EEF1E1: variants seen among roughly 807,000 people sequenced by gnomAD.
The protein encoded by EEF1E1 is eukaryotic translation elongation factor 1 epsilon-1.
A neutral mutation model predicts 19.9 loss-of-function variants in EEF1E1; 19 were observed. The observed-to-expected ratio is 0.95, with a 90% CI of 0.66 to 1.40. The LOEUF is 1.40. Ranked by LOEUF, EEF1E1 falls within the 40% of genes most tolerant of loss-of-function variation. The pLI is 0.00. For missense variants in EEF1E1, 198 were observed against 202.2 expected (o/e 0.98, Z 0.13); for synonymous variants, 81 against 80.0 (o/e 1.01, Z -0.07).
downstream of EEF1E1, among the ~76,000 whole-genome samples, chr6:8,076,940 TG>T (rs1273502412): frequency 1.2e-3 from 172 of 137,982 alleles, 1 homozygote; most frequent in Middle Eastern, 7.4e-3. Context: ...TTTTTGTTTT[TG>T]TTTTTGTTTT....
Position 8,101,241 on chromosome 6 carries a change from AAAATATATATATAT to A in EEF1E1, c.87+1180_87+1193del, listed in dbSNP as rs1561647065. 5.3e-5 allele frequency among the ~76,000 whole-genome samples: 4 copies of A among 75,476 alleles called. 1 individual carries two copies. The South Asian group carries it at 1.7e-3, about 32-fold the overall frequency. The allele number at this position is 75,476 out of a possible 152,430, so 49.5% of individuals were successfully genotyped here. On this transcript the variant is annotated intron_variant, in intron 1 of 3. Coordinates refer to ENST00000379715, the MANE Select transcript of EEF1E1 (RefSeq NM_004280.5). ...ACTTTGTCTCAAAAAAAAAAAAAAA[AAAATATATATATAT>A]ATATATATATATATATATATATATA...
intron 2 of EEF1E1, among the ~76,000 whole-genome samples, chr6:8,092,526 T>C (rs1179197187): frequency 6.6e-6 from 1 of 152,140 alleles, no homozygotes; most frequent in Non-Finnish European, 1.5e-5. Flanking sequence ...CTAAAGGTGG[T>C]ACAGATAAGA....
chr6:8,101,874 G>T, intron 1 of EEF1E1: 1 of 1,268,824 alleles, frequency 7.9e-7, no homozygotes, highest in Non-Finnish European at 1.0e-6. Context: ...CTCCTTAGGT[G>T]TTCTCTCTGC....
At chr6:8,099,791 C>CACACACACACACAA (rs768224090) in intron 1 of EEF1E1, among the ~76,000 whole-genome samples, 29 of 114,682 alleles carry the variant, frequency 2.5e-4, no homozygotes, top group African/African-American at 9.0e-4. Flanking sequence ...CACACACACA[C>CACACACACACACAA]AAAAAAAAAA....
In EEF1E1 at chr6:8,090,276, A is replaced by C; in HGVS notation, c.294T>G (p.Leu98=). 1 of 1,480,446 alleles carries C rather than the reference A, an allele frequency of 6.8e-7. No individual in the cohort carries two copies. The highest frequency in any genetic ancestry group is 1.5e-5 in the South Asian group (1 of 66,268). 91.7% of individuals were successfully genotyped at this position (1,480,446 alleles called of 1,614,324 possible). The part of the protein sequence containing the change: ...KNDIHTLLKD[L]NSYLEDKVYL... The stretch of plus-strand genomic sequence containing the variant: ...AGACTTTATCTTCAAGATATGAATT[A>C]AGATCCTAGAAAAAAGAAAAAACAA... Residue 98 remains leucine, a synonymous_variant, in exon 3 of 4, where the codon CTT becomes CTG. Coordinates refer to ENST00000379715, the MANE Select transcript of EEF1E1 (RefSeq NM_004280.5).
At chr6:8,077,101 A>T (rs112287736), downstream of EEF1E1, among the ~76,000 whole-genome samples, 2 of 151,276 alleles carry the variant, frequency 1.3e-5, no homozygotes, top group African/African-American at 2.4e-5. Flanking sequence ...CCGCCACCAC[A>T]CCCAGCTAAT....
rs147002314 is a variant in EEF1E1 at position 8,086,958 on chromosome 6, C to T, written c.384+3228G>A. ...TGAAATGAGCTAGACCCGAAGTGTA[C>T]ATGAGGTACAAACACACACAGAGGA... On this transcript the variant is annotated intron_variant, in intron 3 of 3. Coordinates refer to ENST00000379715, the MANE Select transcript of EEF1E1 (RefSeq NM_004280.5). Among the ~76,000 whole-genome samples, 269 of 152,162 alleles carry T rather than the reference C, an allele frequency of 1.8e-3. 2 individuals carry two copies. Among genetic ancestry groups the T allele is most frequent in the African/African-American group, 6.2e-3 (258 of 41,518 alleles).
intron 3 of EEF1E1, among the ~76,000 whole-genome samples, chr6:8,085,953 G>A (rs900755683): frequency 1.3e-5 from 2 of 152,114 alleles, no homozygotes; most frequent in African/African-American, 2.4e-5. Flanking sequence ...CCTGAAAATA[G>A]TTTTATACTT....
At chr6:8,088,812 G>T (rs952697002) in intron 3 of EEF1E1, among the ~76,000 whole-genome samples, 3 of 152,178 alleles carry the variant, frequency 2.0e-5, no homozygotes, top group African/African-American at 4.8e-5. Context: ...AAGATGAAGG[G>T]ATTCAGATGA....
chr6:8,099,793 A>ACACACACACAC (rs1554099777), intron 1 of EEF1E1, among the ~76,000 whole-genome samples: 34 of 117,010 alleles, frequency 2.9e-4, no homozygotes, highest in Admixed American at 9.5e-4. Context: ...CACACACACA[A>ACACACACACAC]AAAAAAAACA....
intron 2 of EEF1E1, among the ~76,000 whole-genome samples, chr6:8,093,276 A>G (rs1248841197): frequency 6.6e-6 from 1 of 151,512 alleles, no homozygotes; most frequent in African/African-American, 2.4e-5. Context: ...TTTCACACAC[A>G]TTCAAAATAT....
intron 3 of EEF1E1, among the ~76,000 whole-genome samples, chr6:8,083,187 T>C (rs1333840370): frequency 6.6e-6 from 1 of 152,218 alleles, no homozygotes. Context: ...CATGAAGTCA[T>C]GTGAGAAACA....
At chr6:8,088,577 T>G (rs972751011) in intron 3 of EEF1E1, among the ~76,000 whole-genome samples, 3 of 152,188 alleles carry the variant, frequency 2.0e-5, no homozygotes, top group Non-Finnish European at 2.9e-5. Flanking sequence ...CATGACTTGC[T>G]CCGACTTGCT....
chr6:8,099,797 A>AAAAC (rs1192890544), intron 1 of EEF1E1, among the ~76,000 whole-genome samples: 2 of 139,686 alleles, frequency 1.4e-5, no homozygotes, highest in Non-Finnish European at 3.1e-5. Context: ...CACACAAAAA[A>AAAAC]AAAACAGAAC....
intron 1 of EEF1E1, chr6:8,101,946 C>CA: frequency 8.0e-7 from 1 of 1,250,784 alleles, no homozygotes; most frequent in East Asian, 5.6e-5. Flanking sequence ...TCCACCTGGC[C>CA]AAAAAGCAAG....
rs551897280 is a variant in EEF1E1 at position 8,101,175 on chromosome 6, G to C, written c.87+1260C>G. On this transcript the variant is annotated intron_variant, in intron 1 of 3. Transcript: ENST00000379715. ...CGGGAGGCAGAGGTTGCAGTGATCC[G>C]AGATCATGCCATGGCACTACAGCCT... Among the ~76,000 whole-genome samples, 192 of 130,950 alleles carry C rather than the reference G, an allele frequency of 1.5e-3. 2 individuals carry two copies. Among genetic ancestry groups the C allele is most frequent in the African/African-American group, 5.4e-3 (183 of 33,876 alleles). The allele number at this position is 130,950 out of a possible 152,430, so 85.9% of individuals were successfully genotyped here. A position where few individuals can be genotyped will look rare whatever the true frequency, so the allele number is the denominator to read the frequency against.
intron 3 of EEF1E1, among the ~76,000 whole-genome samples, chr6:8,088,196 T>C (rs1232426214): frequency 2.0e-5 from 3 of 152,140 alleles, no homozygotes; most frequent in Non-Finnish European, 4.4e-5. Context: ...TATCATGTCA[T>C]CGTTCATGAA....
At chr6:8,096,732 A>T (rs1758185234) in intron 2 of EEF1E1, among the ~76,000 whole-genome samples, 1 of 152,126 alleles carries the variant, frequency 6.6e-6, no homozygotes, top group South Asian at 2.1e-4. Flanking sequence ...GTAACTCTGA[A>T]GCTATATCCA....
intron 3 of EEF1E1, among the ~76,000 whole-genome samples, chr6:8,074,061 C>T (rs1561878020): frequency 6.6e-6 from 1 of 152,180 alleles, no homozygotes; most frequent in African/African-American, 2.4e-5. Context: ...GGGAGAGAAG[C>T]CTTTTGCTGT....
Sources: gnomAD v4.1 joint callset for allele counts (sites outside exome capture counted in the v4.1 genomes callset) on GRCh38, gnomAD v4.1.1 for gene constraint, MANE v1.5 for transcripts, NCBI Gene and HGNC (gene_info 2026-07-23, HGNC 2026-07-21) for gene names.